The following OR1L8 variants were observed in gnomAD, a reference collection of about 807,000 sequenced individuals.
OR1L8 encodes olfactory receptor 1L8.
For missense variants in OR1L8, 330 were observed against 377.4 expected (o/e 0.87, Z 1.04); for synonymous variants, 148 against 147.0 (o/e 1.01, Z -0.05).
chr9:122,561,135 G>A, the OR1L8 span, among the ~76,000 whole-genome samples: 7 of 152,092 alleles, frequency 4.6e-5, no homozygotes, highest in South Asian at 2.1e-4. Flanking sequence ...TGATACTTGC[G>A]TATGCTTCAT....
At chr9:122,559,202 A>G in the OR1L8 span, among the ~76,000 whole-genome samples, 1 of 151,178 alleles carries the variant, frequency 6.6e-6, no homozygotes, top group Admixed American at 6.6e-5. Context: ...CCTGTTCCCC[A>G]CTCCTCCTAA....
chr9:122,547,673 T>G, the OR1L8 span, among the ~76,000 whole-genome samples: 1 of 150,634 alleles, frequency 6.6e-6, no homozygotes, highest in Non-Finnish European at 1.5e-5. Flanking sequence ...ACACACTACA[T>G]TTTCTTTATC....
At chr9:122,569,933 G>T (rs1829510906) in intron 4 of OR1L8, among the ~76,000 whole-genome samples, 1 of 149,864 alleles carries the variant, frequency 6.7e-6, no homozygotes, top group African/African-American at 2.5e-5. Context: ...TGCGGTGTTT[G>T]GTTTTTTGTT....
Position 122,567,776 on chromosome 9 carries a change from C to T in OR1L8, c.702G>A (p.Gly234=). The change falls in exon 5 of 5, where the codon GGG becomes GGA. Residue 234 remains glycine (G), a synonymous_variant. Coordinates refer to ENST00000641027, the MANE Select transcript of OR1L8 (RefSeq NM_001004454.2). Reference sequence around the variant, plus strand: ...CACAGGTGGAGAAGGCTTTGCGTTTCCCAGAAGTAGAGGGAATCTTGAGAA... The same window carrying T: ...CACAGGTGGAGAAGGCTTTGCGTTTTCCAGAAGTAGAGGGAATCTTGAGAA... ...TTVLKIPSTS[G]KRKAFSTCGF... 1.2e-6 allele frequency: 2 copies of T among 1,614,010 alleles called. No individual in the cohort carries two copies.
intron 4 of OR1L8, among the ~76,000 whole-genome samples, chr9:122,569,859 G>T (rs914039688): frequency 6.6e-6 from 1 of 151,076 alleles, no homozygotes; most frequent in Non-Finnish European, 1.5e-5. Context: ...TCCCCAGAGT[G>T]TGATGTTCCC....
intron 4 of OR1L8, among the ~76,000 whole-genome samples, chr9:122,571,169 G>C (rs985404468): frequency 7.2e-5 from 11 of 152,182 alleles, no homozygotes; most frequent in Admixed American, 3.9e-4. Context: ...CAGCTGTAAG[G>C]GTGATTACCA....
the OR1L8 span, among the ~76,000 whole-genome samples, chr9:122,551,158 A>G: frequency 6.6e-6 from 1 of 152,228 alleles, no homozygotes; most frequent in Non-Finnish European, 1.5e-5. Flanking sequence ...CCCATTTACA[A>G]TAGCTACAAA....
chr9:122,553,795 C>A, the OR1L8 span: 1 of 1,614,070 alleles, frequency 6.2e-7, no homozygotes, highest in South Asian at 1.1e-5. Context: ...TGCTCAGATA[C>A]CCATGTAAAC....
At chr9:122,556,570 G>A in the OR1L8 span, among the ~76,000 whole-genome samples, 1 of 152,004 alleles carries the variant, frequency 6.6e-6, no homozygotes, top group African/African-American at 2.4e-5. Context: ...TAATGCATGC[G>A]GGGCTTAAAG....
chr9:122,546,607 A>T, the OR1L8 span, among the ~76,000 whole-genome samples: 1 of 152,198 alleles, frequency 6.6e-6, no homozygotes, highest in Non-Finnish European at 1.5e-5. Context: ...TAAAAAAATT[A>T]AAAGTAAAAG....
chr9:122,577,892 G>C (rs1339083189), intron 2 of OR1L8, among the ~76,000 whole-genome samples: 3 of 151,146 alleles, frequency 2.0e-5, no homozygotes, highest in African/African-American at 7.3e-5. Flanking sequence ...TGTTTGTTTG[G>C]CATAGAAATT....
At chr9:122,582,661 A>G (rs540505597) in intron 1 of OR1L8, among the ~76,000 whole-genome samples, 1 of 152,270 alleles carries the variant, frequency 6.6e-6, no homozygotes, top group East Asian at 1.9e-4. Flanking sequence ...TTGAGGCTAC[A>G]GTAAGCTACA....
chr9:122,567,489 G>T lies in OR1L8; in HGVS notation c.*59C>A. On this transcript the variant is annotated 3_prime_UTR_variant, in exon 5 of 5. Transcript: ENST00000641027. ...AGCTTTGACTGTTCACCAGAAACCAGTAGAAAACACGTCCAAGTTGAGCAG... is the reference window on the plus strand; with the variant it reads ...AGCTTTGACTGTTCACCAGAAACCATTAGAAAACACGTCCAAGTTGAGCAG... 1 of 1,300,710 alleles carries T rather than the reference G, an allele frequency of 7.7e-7. No homozygotes were observed. The highest frequency in any genetic ancestry group is 1.1e-6 in the Non-Finnish European group (1 of 938,476). 80.6% of individuals were successfully genotyped at this position (1,300,710 alleles called of 1,614,324 possible). A position where few individuals can be genotyped will look rare whatever the true frequency, so the allele number is the denominator to read the frequency against.
intron 4 of OR1L8, among the ~76,000 whole-genome samples, chr9:122,571,419 G>A (rs986944821): frequency 5.3e-5 from 8 of 151,956 alleles, no homozygotes; most frequent in South Asian, 2.1e-4. Context: ...GCATGGTGGC[G>A]GGGGCCTGTA....
intron 2 of OR1L8, among the ~76,000 whole-genome samples, chr9:122,577,941 C>T (rs578161536): frequency 6.6e-6 from 1 of 152,212 alleles, no homozygotes; most frequent in South Asian, 2.1e-4. Flanking sequence ...TGTCTATGAC[C>T]TAGTCTTTCA....
At chr9:122,570,503 C>G (rs1187072044) in intron 4 of OR1L8, among the ~76,000 whole-genome samples, 1 of 152,140 alleles carries the variant, frequency 6.6e-6, no homozygotes, top group East Asian at 1.9e-4. Context: ...ACCTTTAAAT[C>G]TCAGGTTTTT....
intron 1 of OR1L8, 43 bp from the exon 2 acceptor site, chr9:122,578,488 G>T (rs1175842324): frequency 2.0e-5 from 3 of 147,968 alleles, no homozygotes; most frequent in African/African-American, 7.5e-5. Flanking sequence ...TACAAAAAAA[G>T]ATACTTGCAC....
intron 3 of OR1L8, among the ~76,000 whole-genome samples, chr9:122,576,254 C>G (rs1829653870): frequency 6.6e-6 from 1 of 151,938 alleles, no homozygotes; most frequent in Non-Finnish European, 1.5e-5. Flanking sequence ...CAGAGTCTTG[C>G]TCTGTCACCC....
intron 1 of OR1L8, among the ~76,000 whole-genome samples, chr9:122,581,433 A>G (rs1046419966): frequency 2.6e-5 from 4 of 152,230 alleles, no homozygotes; most frequent in Non-Finnish European, 4.4e-5. Context: ...ACAGTTAGGT[A>G]AAAAGGTAGG....
Sources: gnomAD v4.1 joint callset for allele counts (sites outside exome capture counted in the v4.1 genomes callset) on GRCh38, gnomAD v4.1.1 for gene constraint, MANE v1.5 for transcripts, NCBI Gene and HGNC (gene_info 2026-07-23, HGNC 2026-07-21) for gene names.